Variants in KCNQ5 observed in about 807,000 individuals in gnomAD.
KCNQ5 encodes potassium voltage-gated channel subfamily Q member 5, also known as potassium voltage-gated channel subfamily KQT member 5.
In KCNQ5, 30 loss-of-function variants were observed where a neutral mutation model predicts 98.2. The observed-to-expected ratio is 0.31, with a 90% CI of 0.23 to 0.41. The LOEUF (loss-of-function observed/expected upper bound fraction) is 0.41. KCNQ5 is among the 10% of genes least tolerant of loss of function. The pLI is 1.00. For missense variants in KCNQ5, 835 were observed against 1,182.5 expected, an observed-to-expected ratio of 0.71 and a Z score of 4.31; for synonymous variants, 458 against 449.4, an observed-to-expected ratio of 1.02 and a Z score of -0.24.
intron 1 of KCNQ5, among the ~76,000 whole-genome samples, chr6:72,757,481 A>G (rs967750367): frequency 1.3e-5 from 2 of 152,206 alleles, no homozygotes; most frequent in South Asian, 2.1e-4. Flanking sequence ...AGCCTAGCCT[A>G]CCTTAAAAGT....
chr6:72,681,344 G>T (rs1387291136), intron 1 of KCNQ5, among the ~76,000 whole-genome samples: 1 of 152,026 alleles, frequency 6.6e-6, no homozygotes, highest in Non-Finnish European at 1.5e-5. Context: ...TTCTCTGTTG[G>T]GCTCTTTGCA....
chr6:72,796,410 A>G (rs761460042), intron 1 of KCNQ5, among the ~76,000 whole-genome samples: 15 of 152,166 alleles, frequency 9.9e-5, no homozygotes, highest in Admixed American at 8.5e-4. Context: ...AGGACCACAG[A>G]GAGCTAAAGG....
chr6:72,633,498 C>A (rs2098922235), intron 1 of KCNQ5, among the ~76,000 whole-genome samples: 2 of 152,172 alleles, frequency 1.3e-5, no homozygotes, highest in Admixed American at 1.3e-4. Flanking sequence ...CAATGTTATT[C>A]CTGTCAAACT....
chr6:72,721,202 C>T (rs1008275662), intron 1 of KCNQ5, among the ~76,000 whole-genome samples: 1 of 152,114 alleles, frequency 6.6e-6, no homozygotes, highest in South Asian at 2.1e-4. Flanking sequence ...GTGTTTAGAA[C>T]AGTACTCAGC....
intron 1 of KCNQ5, among the ~76,000 whole-genome samples, chr6:72,672,476 A>G (rs1767176845): frequency 6.6e-6 from 1 of 152,174 alleles, no homozygotes; most frequent in African/African-American, 2.4e-5. Context: ...ACACACTAAG[A>G]TCCACTAAGA....
At chr6:72,953,583 C>T (rs185627791) in intron 1 of KCNQ5, among the ~76,000 whole-genome samples, 33 of 152,326 alleles carry the variant, frequency 2.2e-4, no homozygotes, top group Non-Finnish European at 4.6e-4. Flanking sequence ...TCTCTTAAGG[C>T]AGCCCCCACC....
intron 10 of KCNQ5, among the ~76,000 whole-genome samples, chr6:73,138,529 A>C (rs948621724): frequency 3.9e-5 from 6 of 152,220 alleles, no homozygotes; most frequent in African/African-American, 1.2e-4. Flanking sequence ...TTCTGTAGTA[A>C]TTAGCATGTT....
intron 1 of KCNQ5, among the ~76,000 whole-genome samples, chr6:72,923,258 A>G (rs1780486452): frequency 6.6e-6 from 1 of 152,186 alleles, no homozygotes; most frequent in Non-Finnish European, 1.5e-5. Context: ...ATAGAAGTAG[A>G]ATTGCTAGAT....
chr6:73,139,743 T>G (rs16883380), intron 10 of KCNQ5, among the ~76,000 whole-genome samples: 2,959 of 152,234 alleles, frequency 0.019, 214 homozygotes, highest in Admixed American at 0.12. Flanking sequence ...TAATCCTTCC[T>G]CACATACAGT....
At chr6:73,185,948 A>G (rs553355973) in intron 11 of KCNQ5, among the ~76,000 whole-genome samples, 1 of 152,324 alleles carries the variant, frequency 6.6e-6, no homozygotes, top group South Asian at 2.1e-4. Context: ...CTATGGGCCA[A>G]GTGCAGTGGT....
intron 1 of KCNQ5, among the ~76,000 whole-genome samples, chr6:72,919,373 TAAAC>T (rs1320811191): frequency 1.3e-5 from 2 of 152,228 alleles, no homozygotes; most frequent in African/African-American, 4.8e-5. Context: ...AGTAGTCACA[TAAAC>T]AAAAACAATA....
intron 1 of KCNQ5, among the ~76,000 whole-genome samples, chr6:72,784,903 T>C (rs1773657450): frequency 6.6e-6 from 1 of 152,196 alleles, no homozygotes; most frequent in South Asian, 2.1e-4. Flanking sequence ...TAATGGATTC[T>C]GGATTAACCA....
At chr6:73,130,229 A>G (rs566054975) in intron 9 of KCNQ5, among the ~76,000 whole-genome samples, 4 of 152,350 alleles carry the variant, frequency 2.6e-5, no homozygotes, top group Non-Finnish European at 4.4e-5. Flanking sequence ...AAGTATAACA[A>G]TAACTACAGC....
chr6:73,124,452 T>C, intron 8 of KCNQ5, 34 bp from the exon 9 acceptor site: 1 of 1,610,724 alleles, frequency 6.2e-7, no homozygotes, highest in African/African-American at 1.3e-5. Flanking sequence ...CACTGGTTTA[T>C]CATCATTTCT....
In KCNQ5 at chr6:72,951,514, C is replaced by A. The variant is rs558781229; in HGVS notation, c.399-52394C>A. Among the ~76,000 whole-genome samples the A allele has an allele frequency of 3.1e-4, 30 of 96,864 alleles. No individual in the cohort carries two copies. In the South Asian group the frequency reaches 0.011, roughly 36 times the overall value. The allele number at this position is 96,864 out of a possible 152,430, so 63.5% of individuals were successfully genotyped here. On this transcript the variant is annotated intron_variant, in intron 1 of 13. Transcript: ENST00000370398. ...GGCCAGGTTGGTCTTGAACTCTTGA[C>A]CTCAGGTGATCCACCCCCTTGGCCT...
intron 2 of KCNQ5, among the ~76,000 whole-genome samples, chr6:73,036,284 G>A (rs1284098915): frequency 6.6e-6 from 1 of 150,864 alleles, no homozygotes; most frequent in African/African-American, 2.4e-5. Context: ...TACTCGGGAG[G>A]CTGAGGCAGG....
At chr6:73,127,220 T>C (rs1332865410) in intron 9 of KCNQ5, among the ~76,000 whole-genome samples, 1 of 152,028 alleles carries the variant, frequency 6.6e-6, no homozygotes, top group Non-Finnish European at 1.5e-5. Context: ...TAGATCTGGG[T>C]CCAGAGTATT....
chr6:72,760,439 C>T (rs1020585485), intron 1 of KCNQ5, among the ~76,000 whole-genome samples: 1 of 131,720 alleles, frequency 7.6e-6, no homozygotes, highest in African/African-American at 3.1e-5. Flanking sequence ...TTGTTTTTTT[C>T]AGGAGTACGT....
At chr6:72,733,115 T>C (rs1450587216) in intron 1 of KCNQ5, among the ~76,000 whole-genome samples, 1 of 152,186 alleles carries the variant, frequency 6.6e-6, no homozygotes. Flanking sequence ...GGAAAAGAAC[T>C]GGGCTGAAGA....
Sources: gnomAD v4.1 joint callset for allele counts (sites outside exome capture counted in the v4.1 genomes callset) on GRCh38, gnomAD v4.1.1 for gene constraint, MANE v1.5 for transcripts, NCBI Gene and HGNC (gene_info 2026-07-23, HGNC 2026-07-21) for gene names.